The following TMEM116 variants were observed in gnomAD, a reference collection of about 807,000 sequenced individuals.
TMEM116 encodes transmembrane protein 116.
Under a neutral mutation model 44.3 loss-of-function variants are expected in TMEM116, and 38 were observed. The ratio of observed to expected loss-of-function variants is 0.86; its 90% CI spans 0.66 to 1.12. The LOEUF (loss-of-function observed/expected upper bound fraction) is 1.12, where lower values mean the gene tolerates loss of function less well. Ranked by LOEUF, TMEM116 falls within the 50% of genes most tolerant of loss-of-function variation. The pLI is 0.00. For missense variants in TMEM116, 354 were observed against 401.7 expected (o/e 0.88, Z 1.01); for synonymous variants, 132 against 144.8 (o/e 0.91, Z 0.64).
intron 5 of TMEM116, among the ~76,000 whole-genome samples, chr12:111,941,160 G>A (rs541553685): frequency 6.6e-6 from 1 of 152,082 alleles, no homozygotes; most frequent in East Asian, 1.9e-4. Flanking sequence ...GGCAAATCAC[G>A]AGGTCAGAAG....
chr12:111,954,606 A>G (rs2073957571), intron 4 of TMEM116, among the ~76,000 whole-genome samples: 1 of 152,244 alleles, frequency 6.6e-6, no homozygotes, highest in Admixed American at 6.5e-5. Flanking sequence ...TCACAGAGCT[A>G]ACAGCTGTGA....
Position 111,938,188 on chromosome 12 carries a change from A to G in TMEM116, c.338T>C (p.Val113Ala). 6.3e-7 allele frequency: 1 copy of G among 1,597,466 alleles called. No homozygotes were observed. The highest frequency in any genetic ancestry group is 1.1e-5 in the South Asian group (1 of 87,200). ...SPLVIDYTCR[V>A]CQMAFVFSSL... ...TGAGAAAACAAAGGCCATTTGACAA[A>G]CTCGACAAGTATAATCTATCACCTG... The change falls in exon 6 of 11, where the codon GTT (valine) becomes GCT (alanine). Residue 113 changes from valine to alanine, a missense_variant. By Grantham distance (64) the Val-to-Ala change is moderately conservative. Transcript: ENST00000552374.
At chr12:111,991,475 G>T (rs2076587019) in intron 4 of TMEM116, among the ~76,000 whole-genome samples, 1 of 147,754 alleles carries the variant, frequency 6.8e-6, no homozygotes, top group African/African-American at 2.5e-5. Flanking sequence ...AGTGAGCCGA[G>T]ATCGCACCAC....
chr12:111,932,683 C>G lies in TMEM116; in HGVS notation c.734-24G>C, dbSNP rs371029634. On this transcript the variant is annotated intron_variant, in intron 9 of 10. Transcript: ENST00000552374. Reference sequence around the variant, plus strand: ...AGCTGTGAATACACAAAGTGTAAACCTTCTTGTCAGCCCTGACTGTCTGAA... The same window carrying G: ...AGCTGTGAATACACAAAGTGTAAACGTTCTTGTCAGCCCTGACTGTCTGAA... 3.2e-5 allele frequency: 51 copies of G among 1,602,140 alleles called. No individual in the cohort carries two copies. The African/African-American group carries it at 6.0e-4, about 19-fold the overall frequency.
intron 3 of TMEM116, among the ~76,000 whole-genome samples, chr12:112,001,649 A>G (rs1018564964): frequency 1.3e-5 from 2 of 152,246 alleles, no homozygotes; most frequent in African/African-American, 4.8e-5. Flanking sequence ...TTTCAGAGAT[A>G]AAGCTTAGCT....
intron 4 of TMEM116, among the ~76,000 whole-genome samples, chr12:111,991,099 G>A (rs973055161): frequency 5.3e-5 from 8 of 151,002 alleles, no homozygotes; most frequent in Non-Finnish European, 1.0e-4. Context: ...CGCGCCTGTA[G>A]TCCCAGCTAC....
chr12:111,931,589 C>A lies in TMEM116; in HGVS notation c.*32G>T. The A allele has an allele frequency of 6.3e-7, 1 of 1,590,352 alleles. No individual in the cohort carries two copies. Among genetic ancestry groups the A allele is most frequent in the African/African-American group, 1.3e-5 (1 of 74,498 alleles). On this transcript the variant is annotated 3_prime_UTR_variant, in exon 11 of 11. Coordinates refer to ENST00000552374, the MANE Select transcript of TMEM116 (RefSeq NM_001193531.2). ...TTTCCAATCCATTAGCGTAGAATAA[C>A]TCCAGTTCCTGGATGTTCCAGTATT...
chr12:112,010,252 T>A (rs1412473358), intron 1 of TMEM116, among the ~76,000 whole-genome samples: 1 of 152,204 alleles, frequency 6.6e-6, no homozygotes, highest in African/African-American at 2.4e-5. Context: ...TTTCACCACC[T>A]CAGTTCATAG....
rs375506009 is a variant in TMEM116 at position 111,940,567 on chromosome 12, G to GTGTATA, written c.316-2358_316-2357insTATACA. On this transcript the variant is annotated intron_variant, in intron 5 of 10. Coordinates refer to ENST00000552374, the MANE Select transcript of TMEM116 (RefSeq NM_001193531.2). ...TATACACACACACATATATATGTGT[G>GTGTATA]TATATATATATATATATCTTCGGCT... 5.4e-5 allele frequency among the ~76,000 whole-genome samples: 7 copies of GTGTATA among 130,218 alleles called. No individual in the cohort carries two copies. The East Asian group carries it at 1.7e-3, about 32-fold the overall frequency. 85.4% of individuals were successfully genotyped at this position (130,218 alleles called of 152,430 possible). A position where few individuals can be genotyped will look rare whatever the true frequency, so the allele number is the denominator to read the frequency against.
chr12:111,960,641 C>T (rs940689045), intron 4 of TMEM116, among the ~76,000 whole-genome samples: 4 of 151,272 alleles, frequency 2.6e-5, no homozygotes, highest in African/African-American at 4.9e-5. Flanking sequence ...AGAACAAAGA[C>T]ACAACATACC....
rs758213038 is a variant in TMEM116 at position 111,933,920 on chromosome 12, G to A, written c.699C>T (p.Phe233=). ...VIHIVDQRVR[F]YPVAFFCCWG... is the part of the protein sequence containing the mutation. ...AGCAGCAAAAGAAGGCCACTGGGTA[G>A]AAGCGCACCCGTTGGTCCACAATGT... is the stretch of plus-strand genomic sequence containing the variant. The change falls in exon 9 of 11, where the codon TTC becomes TTT. Residue 233 remains phenylalanine, a synonymous_variant. Transcript: ENST00000552374. The A allele has an allele frequency of 6.2e-6, 10 of 1,614,136 alleles. No homozygotes were observed. Among genetic ancestry groups the A allele is most frequent in the Non-Finnish European group, 8.5e-6 (10 of 1,180,034 alleles).
intron 4 of TMEM116, among the ~76,000 whole-genome samples, chr12:111,952,171 G>A (rs1315123404): frequency 2.6e-5 from 4 of 152,172 alleles, no homozygotes; most frequent in African/African-American, 9.7e-5. Context: ...GGAGATTGCA[G>A]TGAGCCAAGA....
intron 4 of TMEM116, among the ~76,000 whole-genome samples, chr12:111,944,881 G>T (rs902316047): frequency 2.0e-5 from 3 of 151,940 alleles, no homozygotes; most frequent in African/African-American, 7.3e-5. Context: ...GACCAAATTA[G>T]CTGTACATAA....
Position 111,965,951 on chromosome 12 carries a change from AAAC to A in TMEM116, c.211-22585_211-22583del, listed in dbSNP as rs758187522. 2.6e-5 allele frequency among the ~76,000 whole-genome samples: 4 copies of A among 151,930 alleles called. No homozygotes were observed. The East Asian group carries it at 7.7e-4, about 29-fold the overall frequency. On this transcript the variant is annotated intron_variant, in intron 4 of 10. Transcript: ENST00000552374. Reference sequence around the variant, plus strand: ...ACTTTGTCTCAATAAATAAATAAATAAACAACAACAAAAAATTAAGATAAAGAT... The same window carrying A: ...ACTTTGTCTCAATAAATAAATAAATAAACAACAAAAAATTAAGATAAAGAT...
At chr12:111,995,399 G>GA (rs538834974) in intron 3 of TMEM116, among the ~76,000 whole-genome samples, 67 of 150,288 alleles carry the variant, frequency 4.5e-4, no homozygotes, top group Non-Finnish European at 7.6e-4. Flanking sequence ...ATCCATACAG[G>GA]AAAAAAAAAT....
chr12:111,998,153 T>C (rs75708115), intron 3 of TMEM116, among the ~76,000 whole-genome samples: 2,221 of 152,342 alleles, frequency 0.015, 62 homozygotes, highest in African/African-American at 0.05. Flanking sequence ...ATAGTACATG[T>C]TGTTTTGAAA....
intron 9 of TMEM116, 143 bp from the exon 10 acceptor site, chr12:111,932,802 C>G: frequency 1.5e-6 from 1 of 676,004 alleles, no homozygotes. Context: ...TTATGCAAAC[C>G]AATGAGTCTT....
At position 111,964,303 on chromosome 12, in the gene TMEM116, G is replaced by A. The variant is rs117595087; in HGVS notation, c.211-20934C>T. On this transcript the variant is annotated intron_variant, in intron 4 of 10. Coordinates refer to ENST00000552374, the MANE Select transcript of TMEM116 (RefSeq NM_001193531.2). ...ACAATACAAAAATTAGCTGGGCTTGGTAGTGGCGCATGCCTGTAGTCCCAG... is the reference window on the plus strand; with the variant it reads ...ACAATACAAAAATTAGCTGGGCTTGATAGTGGCGCATGCCTGTAGTCCCAG... Among the ~76,000 whole-genome samples, 1,384 of 152,094 alleles carry A rather than the reference G, an allele frequency of 9.1e-3. 8 individuals carry two copies. Among genetic ancestry groups the A allele is most frequent in the Non-Finnish European group, 0.014 (969 of 67,966 alleles).
At chr12:112,003,747 C>T (rs1328714453) in intron 3 of TMEM116, 53 bp downstream of exon 3, 50 of 1,486,284 alleles carry the variant, frequency 3.4e-5, no homozygotes, top group Middle Eastern at 1.7e-4. Flanking sequence ...TTATTTGTTT[C>T]AGAGACTAGG....
Sources: allele counts gnomAD v4.1 joint callset (sites outside exome capture counted in the v4.1 genomes callset), GRCh38; gene constraint gnomAD v4.1.1; transcripts MANE v1.5; gene names NCBI Gene and HGNC (gene_info 2026-07-23, HGNC 2026-07-21).